Variants in MAGI2 observed in about 807,000 individuals in gnomAD.
MAGI2 encodes membrane associated guanylate kinase, WW and PDZ domain containing 2.
A neutral mutation model predicts 133.3 loss-of-function variants in MAGI2; 35 were observed. The ratio of observed to expected loss-of-function variants is 0.26; its 90% confidence interval spans 0.20 to 0.35. MAGI2 has a LOEUF of 0.35. Ranked by LOEUF, MAGI2 falls within the 10% of genes least tolerant of loss-of-function variation. The probability of loss-of-function intolerance (pLI) is 1.00; values close to 1 mark genes in which losing one functional copy is unlikely to be tolerated. For missense variants in MAGI2, 1,636 were observed against 1,863.4 expected (o/e 0.88, Z 2.25); for synonymous variants, 729 against 710.6 (o/e 1.03, Z -0.41).
intron 2 of MAGI2, among the ~76,000 whole-genome samples, chr7:78,802,527 T>C (rs925422733): frequency 3.3e-5 from 5 of 152,152 alleles, no homozygotes; most frequent in African/African-American, 1.2e-4. Flanking sequence ...TGGATTCATG[T>C]GGGAAAGTCC....
intron 2 of MAGI2, among the ~76,000 whole-genome samples, chr7:78,815,508 C>A (rs972639352): frequency 6.7e-6 from 1 of 148,930 alleles, no homozygotes; most frequent in South Asian, 2.1e-4. Flanking sequence ...GCTTATTGTA[C>A]TTTTTTTTTT....
At chr7:78,688,189 T>A (rs1816580801) in intron 2 of MAGI2, among the ~76,000 whole-genome samples, 1 of 152,138 alleles carries the variant, frequency 6.6e-6, no homozygotes, top group Non-Finnish European at 1.5e-5. Context: ...GGCTTTGTGG[T>A]AGCTGTACTA....
chr7:79,369,082 CT>C (rs1842906306), intron 1 of MAGI2, among the ~76,000 whole-genome samples: 1 of 151,920 alleles, frequency 6.6e-6, no homozygotes, highest in African/African-American at 2.4e-5. Flanking sequence ...AATTCTGGGT[CT>C]TTTTAAAGAG....
At chr7:78,787,795 T>C (rs531346602) in intron 2 of MAGI2, among the ~76,000 whole-genome samples, 1 of 152,276 alleles carries the variant, frequency 6.6e-6, no homozygotes, top group South Asian at 2.1e-4. Flanking sequence ...ATGGCGGAGT[T>C]TTAACATTTG....
chr7:78,811,822 A>G (rs549075099), intron 2 of MAGI2, among the ~76,000 whole-genome samples: 54 of 152,220 alleles, frequency 3.5e-4, no homozygotes, highest in Non-Finnish European at 7.6e-4. Context: ...TCCATGTCCT[A>G]AACCTCAGAA....
chr7:78,913,639 T>C (rs770190136), intron 2 of MAGI2, among the ~76,000 whole-genome samples: 5 of 152,204 alleles, frequency 3.3e-5, no homozygotes, highest in Non-Finnish European at 7.3e-5. Context: ...GTCTAAAGAC[T>C]CTGTTTATTC....
chr7:78,388,083 CA>C (rs1336759272), intron 6 of MAGI2, among the ~76,000 whole-genome samples: 3 of 152,108 alleles, frequency 2.0e-5, no homozygotes, highest in Non-Finnish European at 4.4e-5. Context: ...GTATATTTGA[CA>C]AAAACATTAC....
intron 1 of MAGI2, among the ~76,000 whole-genome samples, chr7:79,143,658 T>C (rs978594372): frequency 6.6e-6 from 1 of 152,224 alleles, no homozygotes; most frequent in Non-Finnish European, 1.5e-5. Context: ...CAGTGTATAA[T>C]TGCTTTTAAG....
chr7:78,316,035 A>G (rs1026992172), intron 9 of MAGI2, among the ~76,000 whole-genome samples: 1 of 152,162 alleles, frequency 6.6e-6, no homozygotes. Context: ...CACTTCTTCA[A>G]ATATATCCCA....
chr7:78,705,888 GT>G (rs148269750), intron 2 of MAGI2, among the ~76,000 whole-genome samples: 2,892 of 152,140 alleles, frequency 0.019, 92 homozygotes, highest in African/African-American at 0.065. Context: ...ACAAATGACA[GT>G]TTCCTGCTTT....
intron 2 of MAGI2, among the ~76,000 whole-genome samples, chr7:78,686,841 G>C (rs1243143295): frequency 6.6e-6 from 1 of 152,166 alleles, no homozygotes; most frequent in Non-Finnish European, 1.5e-5. Flanking sequence ...TCAGCAAAGG[G>C]AAACCTTTTC....
At chr7:78,875,457 A>G in intron 2 of MAGI2, among the ~76,000 whole-genome samples, 1 of 152,184 alleles carries the variant, frequency 6.6e-6, no homozygotes, top group East Asian at 1.9e-4. Flanking sequence ...GGCTCAGAAG[A>G]CCCTCAGGGA....
chr7:79,151,953 C>T (rs1460551000), intron 1 of MAGI2, among the ~76,000 whole-genome samples: 1 of 152,036 alleles, frequency 6.6e-6, no homozygotes, highest in Non-Finnish European at 1.5e-5. Context: ...AAAACCTGTC[C>T]TCATTTTGAA....
At chr7:78,858,230 G>T (rs1353056969) in intron 2 of MAGI2, among the ~76,000 whole-genome samples, 1 of 151,904 alleles carries the variant, frequency 6.6e-6, no homozygotes, top group Non-Finnish European at 1.5e-5. Context: ...CTTTTGAAGG[G>T]TTTTTTTGTG....
At position 78,018,568 on chromosome 7, in the gene MAGI2, T is replaced by C. The variant is rs1470380434; in HGVS notation, c.*747A>G. The C allele has an allele frequency of 6.6e-6, 1 of 152,166 alleles. No individual in the cohort carries two copies. Among genetic ancestry groups the C allele is most frequent in the Non-Finnish European group, 1.5e-5 (1 of 68,028 alleles). The allele number at this position is 152,166 out of a possible 1,614,324, so 9.4% of individuals were successfully genotyped here. Reference sequence around the variant, plus strand: ...AAAATTCTGACTTATGGCAAACTGTTCCCTAGGATACAATTTTTAAAACCT... The same window carrying C: ...AAAATTCTGACTTATGGCAAACTGTCCCCTAGGATACAATTTTTAAAACCT... On this transcript the variant is annotated 3_prime_UTR_variant, in exon 22 of 22. Coordinates refer to ENST00000354212, the MANE Select transcript of MAGI2 (RefSeq NM_012301.4).
intron 3 of MAGI2, among the ~76,000 whole-genome samples, chr7:78,573,241 T>TATATAAATATAA (rs1801788864): frequency 1.9e-5 from 1 of 51,312 alleles, no homozygotes; most frequent in Non-Finnish European, 3.3e-5. Context: ...TAAATATATA[T>TATATAAATATAA]ATATAAATAT....
rs533357907 is a variant in MAGI2, at chr7:78,511,402, T to C, written c.755-9615A>G. On this transcript the variant is annotated intron_variant, in intron 4 of 21. Coordinates refer to ENST00000354212, the MANE Select transcript of MAGI2 (RefSeq NM_012301.4). The stretch of plus-strand genomic sequence containing the variant: ...TCAGTTCATCAAGAAGTCCAGATTG[T>C]CAATTATTGCTCAAAGAATGCTCTT... Among the ~76,000 whole-genome samples the C allele has an allele frequency of 3.8e-4, 57 of 151,992 alleles. No individual in the cohort carries two copies. The South Asian group carries it at 6.6e-3, about 18-fold the overall frequency.
intron 1 of MAGI2, among the ~76,000 whole-genome samples, chr7:79,009,993 AAACT>A (rs1450918842): frequency 1.3e-5 from 2 of 152,134 alleles, no homozygotes; most frequent in Non-Finnish European, 2.9e-5. Flanking sequence ...CATTCTTTTA[AAACT>A]AATATAGTTG....
chr7:78,448,322 C>T (rs1054485356), intron 6 of MAGI2, among the ~76,000 whole-genome samples: 2 of 151,906 alleles, frequency 1.3e-5, no homozygotes, highest in African/African-American at 4.8e-5. Flanking sequence ...ATACGGTAGT[C>T]CTAGTTTTAA....
Sources: gnomAD v4.1 joint callset for allele counts (sites outside exome capture counted in the v4.1 genomes callset) on GRCh38, gnomAD v4.1.1 for gene constraint, MANE v1.5 for transcripts, NCBI Gene and HGNC (gene_info 2026-07-23, HGNC 2026-07-21) for gene names.